CTNNA2: variants seen among roughly 807,000 people sequenced by gnomAD.
CTNNA2 encodes catenin alpha 2.
In CTNNA2, 42 loss-of-function variants were observed where a neutral mutation model predicts 101.0. That is an observed-to-expected ratio of 0.42 (90% CI 0.32 to 0.54). The LOEUF is 0.54. CTNNA2 is among the 20% of genes least tolerant of loss of function. The pLI, the probability that CTNNA2 is intolerant of heterozygous loss-of-function variation, is 0.14. For missense variants in CTNNA2, 871 were observed against 1,223.1 expected (o/e 0.71, Z 4.29); for synonymous variants, 450 against 456.4 (o/e 0.99, Z 0.18).
chr2:79,635,293 G>A (rs991867370), intron 1 of CTNNA2, among the ~76,000 whole-genome samples: 29 of 151,950 alleles, frequency 1.9e-4, no homozygotes, highest in Middle Eastern at 3.4e-3. Flanking sequence ...TTAGCCGGGC[G>A]CGGTGGTGGG....
At chr2:80,421,833 C>T (rs1033609187) in intron 9 of CTNNA2, among the ~76,000 whole-genome samples, 32 of 150,168 alleles carry the variant, frequency 2.1e-4, no homozygotes, top group African/African-American at 7.6e-4. Flanking sequence ...CAAACTTGAA[C>T]CACCGAGCTG....
chr2:79,739,734 C>G (rs1025049932), intron 2 of CTNNA2, among the ~76,000 whole-genome samples: 2 of 152,202 alleles, frequency 1.3e-5, no homozygotes, highest in Non-Finnish European at 2.9e-5. Flanking sequence ...ATCAAACTTA[C>G]GCACAGATAC....
intron 7 of CTNNA2, among the ~76,000 whole-genome samples, chr2:79,914,592 T>G (rs914472285): frequency 6.6e-6 from 1 of 152,190 alleles, no homozygotes; most frequent in Non-Finnish European, 1.5e-5. Flanking sequence ...CTCGAATTTT[T>G]TTTAAGACTA....
chr2:79,834,678 C>T (rs577103522), intron 3 of CTNNA2, among the ~76,000 whole-genome samples: 3 of 152,016 alleles, frequency 2.0e-5, no homozygotes, highest in Non-Finnish European at 4.4e-5. Flanking sequence ...CTAATATTTT[C>T]ATTTTGCTTA....
At chr2:80,109,214 A>C (rs1159333595) in intron 7 of CTNNA2, among the ~76,000 whole-genome samples, 1 of 152,210 alleles carries the variant, frequency 6.6e-6, no homozygotes, top group African/African-American at 2.4e-5. Flanking sequence ...TAATCCCAGC[A>C]CTTTGGGAGG....
intron 7 of CTNNA2, among the ~76,000 whole-genome samples, chr2:80,016,686 T>G (rs1694173925): frequency 6.6e-6 from 1 of 152,160 alleles, no homozygotes; most frequent in African/African-American, 2.4e-5. Flanking sequence ...ACTAACTCCT[T>G]TTATGTATTT....
At chr2:80,010,950 G>A (rs455149) in intron 7 of CTNNA2, among the ~76,000 whole-genome samples, 83,139 of 151,820 alleles carry the variant, frequency 0.55, 24,982 homozygotes, top group East Asian at 0.76. Flanking sequence ...TTTCAAGTGT[G>A]GAATCAATGG....
At chr2:79,835,428 G>A (rs1378411337) in intron 3 of CTNNA2, among the ~76,000 whole-genome samples, 1 of 152,096 alleles carries the variant, frequency 6.6e-6, no homozygotes, top group African/African-American at 2.4e-5. Flanking sequence ...TCTTTTAGAA[G>A]TGACTACTAG....
intron 13 of CTNNA2, chr2:80,579,354 T>A (rs185760391): frequency 6.6e-6 from 1 of 152,312 alleles, no homozygotes; most frequent in African/African-American, 2.4e-5. Flanking sequence ...ATATTCTGCT[T>A]ATTTTTGTTG....
At chr2:79,414,772 G>C (rs1256208058) in intron 4 of CTNNA2, among the ~76,000 whole-genome samples, 1 of 152,006 alleles carries the variant, frequency 6.6e-6, no homozygotes, top group Non-Finnish European at 1.5e-5. Flanking sequence ...ACACAGAAAG[G>C]GAGGCCCAGC....
chr2:79,350,257 G>A (rs1194838766), intron 3 of CTNNA2, among the ~76,000 whole-genome samples: 1 of 151,900 alleles, frequency 6.6e-6, no homozygotes, highest in South Asian at 2.1e-4. Flanking sequence ...TTATCCAATA[G>A]GTAATTCTTC....
At chr2:80,457,417 A>G (rs1684076292) in intron 9 of CTNNA2, among the ~76,000 whole-genome samples, 1 of 152,160 alleles carries the variant, frequency 6.6e-6, no homozygotes, top group African/African-American at 2.4e-5. Context: ...AACATACTGT[A>G]CCTCATAAAT....
At chr2:79,763,584 T>C (rs972344766) in intron 3 of CTNNA2, among the ~76,000 whole-genome samples, 2 of 152,238 alleles carry the variant, frequency 1.3e-5, no homozygotes, top group African/African-American at 4.8e-5. Flanking sequence ...TTATTTCTTA[T>C]AGTTTTTCAA....
At chr2:79,415,374 GAAT>G (rs1357752802) in intron 4 of CTNNA2, among the ~76,000 whole-genome samples, 6 of 152,168 alleles carry the variant, frequency 3.9e-5, no homozygotes, top group African/African-American at 1.4e-4. Context: ...ACAGCCTGAA[GAAT>G]GATGAGCCAA....
In CTNNA2 at chr2:80,303,023, T is replaced by C; in HGVS notation, c.1057-90188T>C. 6.2e-7 allele frequency: 1 copy of C among 1,613,708 alleles called. No homozygotes were observed. The highest frequency in any genetic ancestry group is 8.5e-7 in the Non-Finnish European group (1 of 1,179,966). On this transcript the variant is annotated intron_variant, in intron 7 of 18. Coordinates refer to ENST00000402739, the MANE Select transcript of CTNNA2 (RefSeq NM_001282597.3). The surrounding 1 kb of genome is among the most constrained non-coding windows in gnomAD (Gnocchi z 7.7). ...ATGGGGCTCCATGTACTCGATCTCG[T>C]TGCCCGACAAGTCCATTTTCTCCAG...
chr2:80,479,559 A>C (rs1423776168), intron 9 of CTNNA2, among the ~76,000 whole-genome samples: 1 of 152,164 alleles, frequency 6.6e-6, no homozygotes, highest in African/African-American at 2.4e-5. Flanking sequence ...GAGGGCTTTT[A>C]TATATAAGAT....
intron 4 of CTNNA2, among the ~76,000 whole-genome samples, chr2:79,432,844 A>G (rs1213340075): frequency 6.6e-6 from 1 of 152,226 alleles, no homozygotes; most frequent in East Asian, 1.9e-4. Flanking sequence ...CTCCCCAATA[A>G]CAAAGGCTCT....
At chr2:79,431,675 C>T (rs1408131711) in intron 4 of CTNNA2, among the ~76,000 whole-genome samples, 1 of 152,140 alleles carries the variant, frequency 6.6e-6, no homozygotes, top group African/African-American at 2.4e-5. Context: ...ATGCAATCTG[C>T]AATGCACTAT....
chr2:80,077,177 A>T (rs775180144), intron 7 of CTNNA2, among the ~76,000 whole-genome samples: 7 of 152,366 alleles, frequency 4.6e-5, no homozygotes, highest in Admixed American at 1.3e-4. Context: ...ATATAAAGTG[A>T]TACAACCTTC....
Sources: allele counts gnomAD v4.1 joint callset (sites outside exome capture counted in the v4.1 genomes callset), GRCh38; gene constraint gnomAD v4.1.1; non-coding constraint Gnocchi (gnomAD v3.1); transcripts MANE v1.5; gene names NCBI Gene and HGNC (gene_info 2026-07-23, HGNC 2026-07-21).